The following POLR1B variants were observed in gnomAD, a reference collection of about 807,000 sequenced individuals.
POLR1B encodes RNA polymerase I subunit B, also known as DNA-directed RNA polymerase I subunit RPA2.
POLR1B carries 30 observed loss-of-function variants against 105.8 expected under a neutral mutation model. That is an observed-to-expected ratio of 0.28 (90% CI 0.21 to 0.38). POLR1B has a LOEUF of 0.38. POLR1B is among the 10% of genes least tolerant of loss of function. The pLI, the probability that POLR1B is intolerant of heterozygous loss-of-function variation, is 1.00. For synonymous variants in POLR1B, 485 were observed against 505.1 expected (o/e 0.96, Z 0.53); for missense variants, 976 against 1,435.8 (o/e 0.68, Z 5.17).
intron 3 of POLR1B, 129 bp from the exon 4 acceptor site, chr2:112,549,138 G>T: frequency 1.0e-6 from 1 of 991,388 alleles, no homozygotes. Context: ...GTTTTCAAGG[G>T]ATCAGTAGTA....
At position 112,578,143 on chromosome 2, in the gene POLR1B, T is replaced by C. The variant is rs1030945642; in HGVS notation, c.*2414T>C. On this transcript the variant is annotated 3_prime_UTR_variant, in exon 15 of 15. Transcript: ENST00000263331. ...TAGATTCACCACTAAGAAATTGGCA[T>C]TGGAACAGTCCACAGAGCTTATTCA... is the stretch of plus-strand genomic sequence containing the variant. Among the ~76,000 whole-genome samples the C allele has an allele frequency of 6.6e-6, 1 of 152,234 alleles. No homozygotes were observed. Among genetic ancestry groups the C allele is most frequent in the Non-Finnish European group, 1.5e-5 (1 of 68,040 alleles).
At chr2:112,542,230 T>A, upstream of POLR1B, 1 of 1,535,380 alleles carries the variant, frequency 6.5e-7, no homozygotes. Context: ...AGCGGGGAGA[T>A]GAGTGGGGCG....
At chr2:112,571,961 A>G (rs115223650) in intron 12 of POLR1B, among the ~76,000 whole-genome samples, 32 of 152,306 alleles carry the variant, frequency 2.1e-4, no homozygotes, top group Non-Finnish European at 4.1e-4. Context: ...GTGGTCTAGT[A>G]AGAGTAGCCC....
chr2:112,571,064 G>A (rs1449033831), intron 12 of POLR1B, among the ~76,000 whole-genome samples: 1 of 152,166 alleles, frequency 6.6e-6, no homozygotes, highest in Non-Finnish European at 1.5e-5. Flanking sequence ...ACAGGCATGA[G>A]CCATTGCGCC....
At chr2:112,565,607 T>C (rs1684236344) in intron 10 of POLR1B, among the ~76,000 whole-genome samples, 1 of 151,804 alleles carries the variant, frequency 6.6e-6, no homozygotes, top group Admixed American at 6.6e-5. Flanking sequence ...TTGCCCAGGC[T>C]GGGGTGCAGT....
chr2:112,570,613 A>G (rs574243572), intron 12 of POLR1B, among the ~76,000 whole-genome samples: 1 of 152,262 alleles, frequency 6.6e-6, no homozygotes, highest in East Asian at 1.9e-4. Context: ...TGTACTGTCT[A>G]CAGTTGTAAG....
Position 112,579,724 on chromosome 2 carries a change from TCTG to T in POLR1B, c.*3999_*4001del, listed in dbSNP as rs1216048877. 6.6e-6 allele frequency: 1 copy of T among 152,244 alleles called. No individual in the cohort carries two copies. The highest frequency in any genetic ancestry group is 1.5e-5 in the Non-Finnish European group (1 of 68,040). 9.4% of individuals were successfully genotyped at this position (152,244 alleles called of 1,614,324 possible). ...CCATCTGTGTATCTTCAGTGAAATG[TCTG>T]CTGTTCATTTTTTAATTGGATTGTT... On this transcript the variant is annotated 3_prime_UTR_variant, in exon 15 of 15. Coordinates refer to ENST00000263331, the MANE Select transcript of POLR1B (RefSeq NM_019014.6).
At chr2:112,550,280 T>G (rs921207250) in intron 4 of POLR1B, among the ~76,000 whole-genome samples, 1 of 152,280 alleles carries the variant, frequency 6.6e-6, no homozygotes, top group African/African-American at 2.4e-5. Context: ...ACCTGGCCTC[T>G]GTTGGAACAT....
chr2:112,557,677 A>G (rs1683730808), intron 7 of POLR1B, among the ~76,000 whole-genome samples: 2 of 152,176 alleles, frequency 1.3e-5, no homozygotes, highest in African/African-American at 2.4e-5. Context: ...CCTGGACTCA[A>G]GCGATCCTTC....
Position 112,579,800 on chromosome 2 carries a change from T to C in POLR1B, c.*4071T>C, listed in dbSNP as rs760425245. 6.6e-6 allele frequency among the ~76,000 whole-genome samples: 1 copy of C among 152,376 alleles called. No homozygotes were observed. Among genetic ancestry groups the C allele is most frequent in the East Asian group, 1.9e-4 (1 of 5,190 alleles). On this transcript the variant is annotated 3_prime_UTR_variant, in exon 15 of 15. Coordinates refer to ENST00000263331, the MANE Select transcript of POLR1B (RefSeq NM_019014.6). ...AAGACTTCATTATATATTCCAGATA[T>C]AAAGCCTTTGTCATACAAGTGCTTT...
At position 112,549,538 on chromosome 2, in the gene POLR1B, C is replaced by T. The variant is rs11675730; in HGVS notation, c.625+139C>T. 450,214 of 661,486 alleles carry T rather than the reference C, an allele frequency of 0.68. 158,722 individuals are homozygous for T. The highest frequency in any genetic ancestry group is 0.8 in the Middle Eastern group (1,781 of 2,240). 41.0% of individuals were successfully genotyped at this position (661,486 alleles called of 1,614,324 possible). ...TTTTGGTAGGGATGGGGTTTCACCA[C>T]GTTGCCCAGGCTGATCTCGAACTCT... On this transcript the variant is annotated intron_variant, in intron 4 of 14. Transcript: ENST00000263331.
intron 12 of POLR1B, among the ~76,000 whole-genome samples, chr2:112,571,652 G>A (rs974022400): frequency 6.6e-6 from 1 of 152,036 alleles, no homozygotes; most frequent in Non-Finnish European, 1.5e-5. Context: ...TGAATTTAAG[G>A]GTCTCCCTTT....
rs1306501871 is a variant in POLR1B at position 112,575,811 on chromosome 2, G to T, written c.*82G>T. On this transcript the variant is annotated 3_prime_UTR_variant, in exon 15 of 15. Coordinates refer to ENST00000263331, the MANE Select transcript of POLR1B (RefSeq NM_019014.6). This position sits in a 1 kb window ranked among gnomAD's most constrained non-coding sequence, Gnocchi z 5.3. ...TAATTCAATGAAGATATCATTACCAGGTTACTCTTGAGATTTTTCAACGGT... is the reference window on the plus strand; with the variant it reads ...TAATTCAATGAAGATATCATTACCATGTTACTCTTGAGATTTTTCAACGGT... 7 of 1,436,412 alleles carry T rather than the reference G, an allele frequency of 4.9e-6. No homozygotes were observed. The highest frequency in any genetic ancestry group is 5.6e-6 in the Non-Finnish European group (6 of 1,066,568). 89.0% of individuals were successfully genotyped at this position (1,436,412 alleles called of 1,614,324 possible). A position where few individuals can be genotyped will look rare whatever the true frequency, so the allele number is the denominator to read the frequency against.
At chr2:112,543,489 A>C (rs941447567) in intron 1 of POLR1B, among the ~76,000 whole-genome samples, 4 of 152,210 alleles carry the variant, frequency 2.6e-5, no homozygotes, top group African/African-American at 9.7e-5. Flanking sequence ...AGTTTGAGAA[A>C]GGGCAGGATT....
At chr2:112,555,325 C>G (rs553406060) in intron 7 of POLR1B, among the ~76,000 whole-genome samples, 2 of 151,914 alleles carry the variant, frequency 1.3e-5, no homozygotes, top group Admixed American at 6.6e-5. Flanking sequence ...GGCAAAAGAG[C>G]AAGACCTTAT....
At chr2:112,554,516 A>C (rs1683545661) in intron 7 of POLR1B, 1 of 152,168 alleles carries the variant, frequency 6.6e-6, no homozygotes, top group Non-Finnish European at 1.5e-5. Flanking sequence ...CTCTGTCCAT[A>C]AAATTAGATT....
At chr2:112,556,792 TG>T (rs1259047431) in intron 7 of POLR1B, among the ~76,000 whole-genome samples, 1 of 152,212 alleles carries the variant, frequency 6.6e-6, no homozygotes, top group Non-Finnish European at 1.5e-5. Context: ...AAAGCGCTGA[TG>T]GTGTATAGTC....
At chr2:112,542,716 C>CCCT in intron 1 of POLR1B, 45 bp downstream of exon 1, 2 of 1,602,426 alleles carry the variant, frequency 1.2e-6, no homozygotes, top group South Asian at 2.2e-5. Context: ...CGAGGCCAAT[C>CCCT]CCAGGGAGGT....
chr2:112,561,671 ATT>A (rs1683992383), intron 9 of POLR1B, among the ~76,000 whole-genome samples: 1 of 152,132 alleles, frequency 6.6e-6, no homozygotes, highest in Non-Finnish European at 1.5e-5. Context: ...AAAAATATAT[ATT>A]GTTCACGTGG....
Sources: allele counts gnomAD v4.1 joint callset (sites outside exome capture counted in the v4.1 genomes callset), GRCh38; gene constraint gnomAD v4.1.1; non-coding constraint Gnocchi (gnomAD v3.1); transcripts MANE v1.5; gene names NCBI Gene and HGNC (gene_info 2026-07-23, HGNC 2026-07-21).